EBF2: variants seen among roughly 807,000 people sequenced by gnomAD.
The protein encoded by EBF2 is transcription factor COE2.
In EBF2, 21 loss-of-function variants were observed where a neutral mutation model predicts 72.8. The ratio of observed to expected loss-of-function variants is 0.29; its 90% CI spans 0.20 to 0.42. The LOEUF is 0.42. EBF2 is among the 10% of genes least tolerant of loss of function. EBF2 has a pLI of 1.00. For synonymous variants in EBF2, 299 were observed against 274.2 expected (o/e 1.09, Z -0.89); for missense variants, 637 against 731.2 (o/e 0.87, Z 1.49).
chr8:26,018,092 G>A (rs533933255), intron 6 of EBF2, among the ~76,000 whole-genome samples: 6 of 150,966 alleles, frequency 4.0e-5, no homozygotes, highest in South Asian at 2.1e-4. Context: ...GGGAGACAAC[G>A]GACCTCATAG....
At chr8:25,949,852 C>T (rs780804573) in intron 6 of EBF2, among the ~76,000 whole-genome samples, 23 of 152,178 alleles carry the variant, frequency 1.5e-4, no homozygotes, top group Non-Finnish European at 2.5e-4. Context: ...AGTTTTGCCT[C>T]GAGCTGGCCT....
intron 6 of EBF2, among the ~76,000 whole-genome samples, chr8:25,944,920 A>G (rs1269065187): frequency 6.6e-6 from 1 of 152,024 alleles, no homozygotes; most frequent in Non-Finnish European, 1.5e-5. Flanking sequence ...CTCTGATAAG[A>G]CAGGATACCA....
intron 10 of EBF2, among the ~76,000 whole-genome samples, chr8:25,876,699 G>A (rs966077365): frequency 6.6e-6 from 1 of 152,158 alleles, no homozygotes; most frequent in Non-Finnish European, 1.5e-5. Flanking sequence ...GTACAGTACT[G>A]GGAAGTAGTA....
rs59820523 is a variant in EBF2, at chr8:25,986,001, C to CAAAAAAAAAAAAAAAAAAAAAAAAAAAA, written c.551+47083_551+47084insTTTTTTTTTTTTTTTTTTTTTTTTTTTT. Among the ~76,000 whole-genome samples the CAAAAAAAAAAAAAAAAAAAAAAAAAAAA allele has an allele frequency of 7.0e-5, 2 of 28,556 alleles. 1 individual carries two copies. The highest frequency in any genetic ancestry group is 1.1e-4 in the Non-Finnish European group (2 of 18,260). The allele number at this position is 28,556 out of a possible 152,430, so 18.7% of individuals were successfully genotyped here. A position where few individuals can be genotyped will look rare whatever the true frequency, so the allele number is the denominator to read the frequency against. ...CGGGTGACAGAGTGAAACTCTGTCT[C>CAAAAAAAAAAAAAAAAAAAAAAAAAAAA]AAAAAAAAAAAAAAAAAAAAAAAAG... On this transcript the variant is annotated intron_variant, in intron 6 of 15. Coordinates refer to ENST00000520164, the MANE Select transcript of EBF2 (RefSeq NM_022659.4).
chr8:25,874,853 CTTTTTTTTTTTT>C (rs1183233269), intron 10 of EBF2, among the ~76,000 whole-genome samples: 6 of 99,574 alleles, frequency 6.0e-5, no homozygotes, highest in Admixed American at 3.2e-4. Flanking sequence ...GCCTGGCTAA[CTTTTTTTTTTTT>C]TTTTTTTTTT....
intron 7 of EBF2, among the ~76,000 whole-genome samples, chr8:25,891,086 T>C (rs527535390): frequency 1.1e-4 from 17 of 152,316 alleles, no homozygotes; most frequent in African/African-American, 3.8e-4. Flanking sequence ...CCAACAGTTA[T>C]AAGGCATGGT....
At chr8:25,912,008 A>G (rs972504795) in intron 6 of EBF2, among the ~76,000 whole-genome samples, 10 of 152,156 alleles carry the variant, frequency 6.6e-5, no homozygotes, top group African/African-American at 2.4e-4. Context: ...TGCTTCAGGA[A>G]TATCACAGAT....
rs142031440 is a variant in EBF2, at chr8:26,027,332, G to A, written c.551+5753C>T. Among the ~76,000 whole-genome samples, 229 of 152,156 alleles carry A rather than the reference G, an allele frequency of 1.5e-3. 2 individuals are homozygous for A. Among genetic ancestry groups the A allele is most frequent in the African/African-American group, 5.3e-3 (219 of 41,528 alleles). The stretch of plus-strand genomic sequence containing the variant: ...AAGTTACTTCATGAGGCAGAGAAAG[G>A]CAGGAAGAGACTGTGTTAGACAGCA... On this transcript the variant is annotated intron_variant, in intron 6 of 15. Transcript: ENST00000520164.
In EBF2 at chr8:25,843,373, A is replaced by C. The variant is rs1458563561; in HGVS notation, c.*1236T>G. The C allele has an allele frequency of 1.3e-5, 2 of 152,238 alleles. No homozygotes were observed. The highest frequency in any genetic ancestry group is 4.8e-5 in the African/African-American group (2 of 41,454). 9.4% of individuals were successfully genotyped at this position (152,238 alleles called of 1,614,324 possible). A position where few individuals can be genotyped will look rare whatever the true frequency, so the allele number is the denominator to read the frequency against. On this transcript the variant is annotated 3_prime_UTR_variant, in exon 16 of 16. Transcript: ENST00000520164. ...GAGGAAAGGACTTGGATGTTCTAAGACTGACTCTAAAGAGTCCATCAAACA... is the reference window on the plus strand; with the variant it reads ...GAGGAAAGGACTTGGATGTTCTAAGCCTGACTCTAAAGAGTCCATCAAACA...
intron 7 of EBF2, among the ~76,000 whole-genome samples, chr8:25,892,019 C>T (rs1563390981): frequency 6.6e-6 from 1 of 152,114 alleles, no homozygotes; most frequent in Non-Finnish European, 1.5e-5. Flanking sequence ...GTCAAAATAT[C>T]GCCATTCTCA....
intron 6 of EBF2, among the ~76,000 whole-genome samples, chr8:25,975,022 C>G (rs963672988): frequency 1.3e-5 from 2 of 152,052 alleles, no homozygotes; most frequent in African/African-American, 4.8e-5. Context: ...ACCAGAGAAA[C>G]AAAGCAAAGA....
intron 7 of EBF2, among the ~76,000 whole-genome samples, chr8:25,892,928 T>C (rs1802808533): frequency 6.6e-6 from 1 of 152,160 alleles, no homozygotes; most frequent in South Asian, 2.1e-4. Context: ...TGTTAGAATC[T>C]GGGGAAATTC....
chr8:25,907,419 CAAAAAAAAAAAAAAAAAAAA>C (rs55695734), intron 7 of EBF2, among the ~76,000 whole-genome samples: 2 of 28,874 alleles, frequency 6.9e-5, no homozygotes, highest in Non-Finnish European at 1.3e-4. Context: ...GACCCTGCCT[CAAAAAAAAAAAAAAAAAAAA>C]AAAAAAAAAA....
chr8:25,907,187 G>A (rs1281898304), intron 7 of EBF2, among the ~76,000 whole-genome samples: 1 of 151,974 alleles, frequency 6.6e-6, no homozygotes, highest in Non-Finnish European at 1.5e-5. Context: ...GAGAGGCCTA[G>A]GTGGGTGAAT....
At chr8:25,940,519 C>T (rs1213757979) in intron 6 of EBF2, among the ~76,000 whole-genome samples, 5 of 151,708 alleles carry the variant, frequency 3.3e-5, no homozygotes, top group Admixed American at 1.3e-4. Flanking sequence ...AGATATGTAA[C>T]ATTATTAGCC....
chr8:25,886,774 TGGG>T lies in EBF2; in HGVS notation c.987_989del (p.Pro330del), dbSNP rs774150131. 14 of 1,610,644 alleles carry T rather than the reference TGGG, an allele frequency of 8.7e-6. No individual in the cohort carries two copies. The Admixed American group carries it at 1.7e-4, about 19-fold the overall frequency. ...ACCTACCTGTGTAAATGAACCTTCC[TGGG>T]GCTCCTTTGCAGAACTGTTTAGATT... is the stretch of plus-strand genomic sequence containing the variant. On this transcript the variant is annotated inframe_deletion, in exon 10 of 16. Transcript: ENST00000520164.
intron 6 of EBF2, among the ~76,000 whole-genome samples, chr8:25,943,122 C>A (rs1207462041): frequency 1.3e-5 from 2 of 151,952 alleles, no homozygotes; most frequent in Non-Finnish European, 2.9e-5. Context: ...TCCTATGGAA[C>A]AAAATTGTTA....
chr8:26,045,030 A>C lies in EBF2; in HGVS notation c.-171T>G, dbSNP rs1440713012. 4.2e-6 allele frequency: 3 copies of C among 712,826 alleles called. No homozygotes were observed. The highest frequency in any genetic ancestry group is 6.7e-6 in the Non-Finnish European group (3 of 450,572). 44.2% of individuals were successfully genotyped at this position (712,826 alleles called of 1,614,324 possible). A position where few individuals can be genotyped will look rare whatever the true frequency, so the allele number is the denominator to read the frequency against. ...AAAAAGATAACCCGTCCTTTGCTTC[A>C]CTGGCGAGGTGCGGACTGATGTAGT... On this transcript the variant is annotated 5_prime_UTR_variant, in exon 1 of 16. Transcript: ENST00000520164.
At position 25,879,117 on chromosome 8, in the gene EBF2, C is replaced by G. The variant is rs1426535376; in HGVS notation, c.1009+7638G>C. On this transcript the variant is annotated intron_variant, in intron 10 of 15. Coordinates refer to ENST00000520164, the MANE Select transcript of EBF2 (RefSeq NM_022659.4). The stretch of plus-strand genomic sequence containing the variant: ...ATACCTTGGCATGCAGGATTCTGTA[C>G]CCTACTAGGGTTGTTTGTAAAACTA... 2.0e-5 allele frequency among the ~76,000 whole-genome samples: 3 copies of G among 152,248 alleles called. No individual in the cohort carries two copies. The South Asian group carries it at 6.2e-4, about 32-fold the overall frequency.
Sources: allele counts gnomAD v4.1 joint callset (sites outside exome capture counted in the v4.1 genomes callset), GRCh38; gene constraint gnomAD v4.1.1; transcripts MANE v1.5; gene names NCBI Gene and HGNC (gene_info 2026-07-23, HGNC 2026-07-21).